Variants in ZNFX1 observed in about 807,000 individuals in gnomAD.
The protein encoded by ZNFX1 is zinc finger NFX1-type containing 1, also known as NFX1-type zinc finger-containing protein 1.
A neutral mutation model predicts 179.8 loss-of-function variants in ZNFX1; 78 were observed. The ratio of observed to expected loss-of-function variants is 0.43; its 90% CI spans 0.36 to 0.52. The LOEUF is 0.52. ZNFX1 is among the 20% of genes least tolerant of loss of function. The pLI is 0.00. For synonymous variants in ZNFX1, 848 were observed against 868.5 expected (o/e 0.98, Z 0.42); for missense variants, 1,927 against 2,386.6 (o/e 0.81, Z 4.01).
chr20:49,248,735 T>G lies in ZNFX1; in HGVS notation c.4289A>C (p.Lys1430Thr). Residue 1430 changes from lysine (K) to threonine (T), a missense_variant, in exon 14 of 14, where the codon AAG becomes ACG. Coordinates refer to ENST00000396105, the MANE Select transcript of ZNFX1 (RefSeq NM_021035.3). This position sits in a 1 kb window ranked among gnomAD's most constrained non-coding sequence, Gnocchi z 4.6. ...GATAGTGCCACACTTTGTGGTACACTTGACTAGCAGACCACCATACAGGAG... is the reference window on the plus strand; with the variant it reads ...GATAGTGCCACACTTTGTGGTACACGTGACTAGCAGACCACCATACAGGAG... ...EGLLYGGLLV[K>T]CTTKCGTILD... is the part of the protein sequence containing the mutation. 1.9e-6 allele frequency: 3 copies of G among 1,613,262 alleles called. 1 individual carries two copies. The South Asian group carries it at 3.3e-5, about 18-fold the overall frequency.
intron 6 of ZNFX1, among the ~76,000 whole-genome samples, chr20:49,262,631 T>C (rs547653475): frequency 6.6e-6 from 1 of 152,326 alleles, no homozygotes; most frequent in East Asian, 1.9e-4. Flanking sequence ...GAATGACCTC[T>C]GTAAGCTTTT....
chr20:49,271,795 T>C (rs750917587), intron 2 of ZNFX1, 45 bp from the exon 3 acceptor site: 23 of 1,543,096 alleles, frequency 1.5e-5, no homozygotes, highest in Admixed American at 1.5e-4. Context: ...CCAAGTTCTG[T>C]TGGAAACCCA....
In ZNFX1 at chr20:49,270,800, T is replaced by C. The variant is rs1358972993; in HGVS notation, c.1012A>G (p.Ile338Val). 3 of 1,614,120 alleles carry C rather than the reference T, an allele frequency of 1.9e-6. No individual in the cohort carries two copies. The highest frequency in any genetic ancestry group is 2.7e-5 in the African/African-American group (2 of 75,022). The change falls in exon 3 of 14, where the codon ATT becomes GTT. Residue 338 changes from isoleucine to valine, a missense_variant. Physicochemically the swap from Ile to Val is conservative, Grantham distance 29 (BLOSUM62 3). Transcript: ENST00000396105. This position sits in a 1 kb window ranked among gnomAD's most constrained non-coding sequence, Gnocchi z 4.6. ...DHVESYRTMP[I>V]YPTYNEVHLD... ...TGCACTTCATTGTAGGTAGGGTAAA[T>C]GGGCATGGTTCGGTAGCTCTCAACA...
In ZNFX1 at chr20:49,271,416, CT is replaced by C. The variant is rs1568987428; in HGVS notation, c.395del (p.Gln132ArgfsTer18). ...DNFQQWRTPH[Q>X]KPTEQPQQAK... Reference sequence around the variant, plus strand: ...CCTGCTGTGGCTGTTCTGTAGGCTTCTGGTGGGGAGTCCGCCACTGCTGGAA... The same window carrying C: ...CCTGCTGTGGCTGTTCTGTAGGCTTCGGTGGGGAGTCCGCCACTGCTGGAA... On this transcript the variant is annotated frameshift_variant, in exon 3 of 14. Transcript: ENST00000396105. LOFTEE classifies it high-confidence loss of function. 6.2e-7 allele frequency: 1 copy of C among 1,614,026 alleles called. No individual in the cohort carries two copies. The highest frequency in any genetic ancestry group is 8.5e-7 in the Non-Finnish European group (1 of 1,180,034).
At chr20:49,250,485 TA>T (rs1415250411) in intron 13 of ZNFX1, among the ~76,000 whole-genome samples, 3 of 152,192 alleles carry the variant, frequency 2.0e-5, no homozygotes, top group Non-Finnish European at 2.9e-5. Flanking sequence ...TTTATTTATT[TA>T]TTTTAAAAAA....
chr20:49,265,643 T>A (rs1313111629), intron 4 of ZNFX1, among the ~76,000 whole-genome samples: 1 of 152,208 alleles, frequency 6.6e-6, no homozygotes, highest in Non-Finnish European at 1.5e-5. Context: ...GTGCCTAATA[T>A]GTGCCAGGAT....
Position 49,247,519 on chromosome 20 carries a change from A to G in ZNFX1, c.5505T>C (p.Ile1835=). The G allele has an allele frequency of 6.2e-7, 1 of 1,614,140 alleles. No homozygotes were observed. Among genetic ancestry groups the G allele is most frequent in the Non-Finnish European group, 8.5e-7 (1 of 1,180,032 alleles). Residue 1835 remains isoleucine, a synonymous_variant, in exon 14 of 14, where the codon ATT becomes ATC. Transcript: ENST00000396105. ...CACGAGGATAACCTATGGCACTGACAATCTGCACTCGCTCTTCCTCTGAGA... is the reference window on the plus strand; with the variant it reads ...CACGAGGATAACCTATGGCACTGACGATCTGCACTCGCTCTTCCTCTGAGA... The part of the protein sequence containing the change: ...LGISEEERVQ[I]VSAIGYPRGH...
chr20:49,260,607 G>T (rs753568219), intron 6 of ZNFX1, 30 bp from the exon 7 acceptor site: 1 of 1,501,542 alleles, frequency 6.7e-7, no homozygotes, highest in Admixed American at 1.9e-5. Context: ...CATTTGTGAG[G>T]ATTCTATGAC....
In ZNFX1 at chr20:49,270,536, T is replaced by C; in HGVS notation, c.1276A>G (p.Ile426Val). 6.2e-7 allele frequency: 1 copy of C among 1,614,272 alleles called. No homozygotes were observed. The highest frequency in any genetic ancestry group is 8.5e-7 in the Non-Finnish European group (1 of 1,180,054). The change falls in exon 3 of 14, where the codon ATA becomes GTA. Residue 426 changes from isoleucine to valine, a missense_variant. By Grantham distance (29) the Ile-to-Val change is conservative (BLOSUM62 3). Transcript: ENST00000396105. The surrounding 1 kb of genome is among the most constrained non-coding windows in gnomAD (Gnocchi z 4.6). ...IITPMCSSSG[I>V]VYKVQFDTKP... The stretch of plus-strand genomic sequence containing the variant: ...GTGTCAAACTGCACCTTGTAGACTA[T>C]GCCTGATGATGAACACATGGGGGTG...
At chr20:49,260,408 G>A (rs1464237327) in intron 7 of ZNFX1, 55 bp downstream of exon 7, 1 of 1,219,452 alleles carries the variant, frequency 8.2e-7, no homozygotes, top group Non-Finnish European at 1.2e-6. Context: ...CACTGTTCTG[G>A]TATTTACTAT....
At position 49,248,841 on chromosome 20, in the gene ZNFX1, C is replaced by T. The variant is rs763182179; in HGVS notation, c.4183G>A (p.Val1395Met). The change falls in exon 14 of 14, where the codon GTG (valine) becomes ATG (methionine). Residue 1395 changes from valine (V) to methionine (M), a missense_variant. Transcript: ENST00000396105. This position sits in a 1 kb window ranked among gnomAD's most constrained non-coding sequence, Gnocchi z 4.6. ...GTGACCATTTCTGAACACAGCTGCA[C>T]ACAGTCCTCACCACATGGGTGGCTG... is the stretch of plus-strand genomic sequence containing the variant. ...RCSHPCGEDC[V>M]QLCSEMVTIK... 1.4e-5 allele frequency: 22 copies of T among 1,613,450 alleles called. No individual in the cohort carries two copies. Among genetic ancestry groups the T allele is most frequent in the South Asian group, 8.8e-5 (8 of 91,064 alleles).
At chr20:49,259,365 A>G (rs909725423) in intron 7 of ZNFX1, among the ~76,000 whole-genome samples, 1 of 151,966 alleles carries the variant, frequency 6.6e-6, no homozygotes, top group South Asian at 2.1e-4. Context: ...TTAAAAGATA[A>G]TAATGTTACC....
chr20:49,252,974 TTAA>T (rs1980881399), intron 11 of ZNFX1, 144 bp from the exon 12 acceptor site: 1 of 659,286 alleles, frequency 1.5e-6, no homozygotes, highest in Admixed American at 2.5e-5. Context: ...AGTTTAAGGA[TTAA>T]TAATGACAAG....
chr20:49,246,534 CCT>C lies in ZNFX1; in HGVS notation c.*731_*732del. ...TAAGCAGTTCATAAACAACTATGGGCCTCTGTTTATTATGAGAGTTAGTCTGC... is the reference window on the plus strand; with the variant it reads ...TAAGCAGTTCATAAACAACTATGGGCCTGTTTATTATGAGAGTTAGTCTGC... On this transcript the variant is annotated 3_prime_UTR_variant, in exon 14 of 14. Coordinates refer to ENST00000396105, the MANE Select transcript of ZNFX1 (RefSeq NM_021035.3). 7.6e-5 allele frequency: 16 copies of C among 209,648 alleles called. No individual in the cohort carries two copies. In the South Asian group the frequency reaches 9.7e-4, roughly 13 times the overall value. 13.0% of individuals were successfully genotyped at this position (209,648 alleles called of 1,614,324 possible). A position where few individuals can be genotyped will look rare whatever the true frequency, so the allele number is the denominator to read the frequency against.
At chr20:49,251,450 C>G in intron 13 of ZNFX1, 77 bp downstream of exon 13, 1 of 1,431,034 alleles carries the variant, frequency 7.0e-7, no homozygotes. Flanking sequence ...CGCTGAAAAG[C>G]TTTTTTATCT....
intron 3 of ZNFX1, among the ~76,000 whole-genome samples, chr20:49,268,292 T>C (rs942029394): frequency 6.6e-6 from 1 of 152,206 alleles, no homozygotes; most frequent in Non-Finnish European, 1.5e-5. Context: ...ATATATTTGA[T>C]ACTATTTAAT....
chr20:49,257,427 C>T lies in ZNFX1; in HGVS notation c.2654G>A (p.Gly885Glu), dbSNP rs756981127. ...GTAAGQEQATGEWQTQRNQKK... is the reference protein window; with the variant it reads ...GTAAGQEQATEEWQTQRNQKK... ...AGGAAGTGAGTTTACCTGCCACTCT[C>T]CTGTGGCTTGCTCCTGTCCAGCTGC... Residue 885 changes from glycine (G) to glutamate (E), a missense_variant, in exon 8 of 14, where the codon GGA becomes GAA. Coordinates refer to ENST00000396105, the MANE Select transcript of ZNFX1 (RefSeq NM_021035.3). 1 of 1,614,166 alleles carries T rather than the reference C, an allele frequency of 6.2e-7. No individual in the cohort carries two copies. Among genetic ancestry groups the T allele is most frequent in the Non-Finnish European group, 8.5e-7 (1 of 1,180,040 alleles).
rs140626515 is a variant in ZNFX1 at position 49,261,939 on chromosome 20, C to T, written c.2302-1362G>A. Among the ~76,000 whole-genome samples the T allele has an allele frequency of 8.2e-3, 1,250 of 151,562 alleles. 17 individuals carry two copies. Among genetic ancestry groups the T allele is most frequent in the African/African-American group, 0.028 (1,159 of 41,276 alleles). On this transcript the variant is annotated intron_variant, in intron 6 of 13. Transcript: ENST00000396105. ...GGGATTACAGGCGTGAGCCACTGCG[C>T]GCTTGGCCTCATGACACAAGTTTAC...
rs760238536 is a variant in ZNFX1, at chr20:49,248,336, C to T, written c.4688G>A (p.Arg1563Gln). The T allele has an allele frequency of 1.9e-5, 30 of 1,613,918 alleles. No individual in the cohort carries two copies. Among genetic ancestry groups the T allele is most frequent in the East Asian group, 1.3e-4 (6 of 44,888 alleles). The change falls in exon 14 of 14, where the codon CGG becomes CAG. Residue 1563 changes from arginine to glutamine, a missense_variant. Physicochemically the swap from Arg to Gln is conservative, Grantham distance 43 (BLOSUM62 1). Coordinates refer to ENST00000396105, the MANE Select transcript of ZNFX1 (RefSeq NM_021035.3). This position sits in a 1 kb window ranked among gnomAD's most constrained non-coding sequence, Gnocchi z 4.6. The part of the protein sequence containing the change: ...LCGEPCPKKC[R>Q]ICHMDEVTQI... Reference sequence around the variant, plus strand: ...GGTGACCTCATCCATGTGGCAGATCCGGCATTTCTTGGGGCATGGCTCCCC... The same window carrying T: ...GGTGACCTCATCCATGTGGCAGATCTGGCATTTCTTGGGGCATGGCTCCCC...
Sources: gnomAD v4.1 joint callset for allele counts (sites outside exome capture counted in the v4.1 genomes callset) on GRCh38, gnomAD v4.1.1 for gene constraint, Gnocchi (gnomAD v3.1) non-coding constraint, MANE v1.5 for transcripts, NCBI Gene and HGNC (gene_info 2026-07-23, HGNC 2026-07-21) for gene names.